The following RICTOR variants were observed in gnomAD, a reference collection of about 807,000 sequenced individuals.
RICTOR encodes rapamycin-insensitive companion of mTOR.
Under a neutral mutation model 214.9 loss-of-function variants are expected in RICTOR, and 49 were observed. The ratio of observed to expected loss-of-function variants is 0.23; its 90% CI spans 0.18 to 0.29. The LOEUF is 0.29. RICTOR is among the 10% of genes least tolerant of loss of function. The probability of loss-of-function intolerance (pLI) is 1.00; values close to 1 mark genes in which losing one functional copy is unlikely to be tolerated. For synonymous variants in RICTOR, 717 were observed against 711.3 expected, an observed-to-expected ratio of 1.01 and a Z score of -0.13; for missense variants, 1,625 against 2,047.0, an observed-to-expected ratio of 0.79 and a Z score of 3.98.
chr5:38,966,721 C>A lies in RICTOR; in HGVS notation c.1219G>T (p.Gly407Cys). ...CTGTTTGTTATCACTTCAACTAGAC[C>A]CTTTGAAAATAAAAAGATAACACCA... ...SAFIRNGLLEGLVEVITNSDD... is the reference protein window; with the variant it reads ...SAFIRNGLLECLVEVITNSDD... The change falls in exon 15 of 38, where the codon GGT (glycine) becomes TGT (cysteine). Residue 407 changes from glycine (G) to cysteine (C), a missense_variant and splice_region_variant. Coordinates refer to ENST00000357387, the MANE Select transcript of RICTOR (RefSeq NM_152756.5). 1 of 1,516,680 alleles carries A rather than the reference C, an allele frequency of 6.6e-7. No individual in the cohort carries two copies. The highest frequency in any genetic ancestry group is 9.1e-7 in the Non-Finnish European group (1 of 1,103,496). 94.0% of individuals were successfully genotyped at this position (1,516,680 alleles called of 1,614,324 possible).
chr5:39,003,599 A>G lies in RICTOR; in HGVS notation c.219T>C (p.Ser73=), dbSNP rs1561520643. The G allele has an allele frequency of 1.2e-6, 2 of 1,609,436 alleles. No homozygotes were observed. Among genetic ancestry groups the G allele is most frequent in the African/African-American group, 2.7e-5 (2 of 74,882 alleles). ...CATAGTGAAAGCCCAGTTTTTCTTC[A>G]CTGTGGCCAATATCACAAAGAAGCT... ...FTKLLCDIGH[S]EEKLGFHYED... The change falls in exon 4 of 38, where the codon AGT becomes AGC. Residue 73 remains serine, a synonymous_variant. Coordinates refer to ENST00000357387, the MANE Select transcript of RICTOR (RefSeq NM_152756.5).
chr5:39,046,390 A>G (rs1757502977), intron 2 of RICTOR, among the ~76,000 whole-genome samples: 1 of 150,230 alleles, frequency 6.7e-6, no homozygotes, highest in Non-Finnish European at 1.5e-5. Flanking sequence ...AAAAAAAAAA[A>G]GAAGAAGAAT....
intron 2 of RICTOR, among the ~76,000 whole-genome samples, chr5:39,028,274 A>T (rs913864656): frequency 1.5e-5 from 2 of 135,960 alleles, no homozygotes; most frequent in Admixed American, 1.8e-4. Flanking sequence ...GCTCCGCCTC[A>T]CGGGTTCACG....
At chr5:39,001,246 C>G (rs1158167184) in intron 5 of RICTOR, among the ~76,000 whole-genome samples, 1 of 151,976 alleles carries the variant, frequency 6.6e-6, no homozygotes, top group Non-Finnish European at 1.5e-5. Context: ...GACAAATATA[C>G]CAACTAAAGA....
chr5:39,070,548 C>T (rs1438886068), intron 2 of RICTOR, among the ~76,000 whole-genome samples: 2 of 151,774 alleles, frequency 1.3e-5, no homozygotes, highest in Admixed American at 6.6e-5. Flanking sequence ...AGGTATTAGA[C>T]AGCAACCAAG....
At chr5:38,998,938 C>T (rs1246601013) in intron 5 of RICTOR, among the ~76,000 whole-genome samples, 1 of 150,154 alleles carries the variant, frequency 6.7e-6, no homozygotes, top group Admixed American at 6.6e-5. Flanking sequence ...ATCACTTGAA[C>T]CCAGAAGAGG....
rs940941760 is a variant in RICTOR, at chr5:38,989,505, G to T, written c.583+1444C>A. On this transcript the variant is annotated intron_variant, in intron 7 of 37. Coordinates refer to ENST00000357387, the MANE Select transcript of RICTOR (RefSeq NM_152756.5). ...AACAAAAGCCAAAATTGACAAATGG[G>T]ATCTAATTAAACTAAAGGGCTTCTG... Among the ~76,000 whole-genome samples the T allele has an allele frequency of 7.8e-4, 118 of 152,092 alleles. 11 individuals carry two copies. The highest frequency in any genetic ancestry group is 1.5e-5 in the Non-Finnish European group (1 of 68,028).
At chr5:38,994,299 C>T (rs1753002025) in intron 6 of RICTOR, among the ~76,000 whole-genome samples, 2 of 151,188 alleles carry the variant, frequency 1.3e-5, no homozygotes, top group African/African-American at 4.9e-5. Context: ...CACAAGATAA[C>T]TTACTGTGTA....
chr5:38,990,638 A>ATATATGATATATAT (rs1221163724), intron 7 of RICTOR, among the ~76,000 whole-genome samples: 1 of 137,566 alleles, frequency 7.3e-6, no homozygotes, highest in Admixed American at 7.4e-5. Flanking sequence ...TATATATCTG[A>ATATATGATATATAT]CATATATCAG....
intron 3 of RICTOR, among the ~76,000 whole-genome samples, chr5:39,014,146 A>C (rs2150125679): frequency 6.6e-6 from 1 of 152,276 alleles, no homozygotes; most frequent in South Asian, 2.1e-4. Flanking sequence ...GGATTGTGTA[A>C]GTACACTCTA....
chr5:39,006,294 G>A (rs1469032213), intron 3 of RICTOR, among the ~76,000 whole-genome samples: 1 of 152,090 alleles, frequency 6.6e-6, no homozygotes, highest in Non-Finnish European at 1.5e-5. Flanking sequence ...TGAGAGCGGT[G>A]GTCTAATACT....
chr5:38,965,132 T>C (rs559430630), intron 15 of RICTOR, among the ~76,000 whole-genome samples: 2 of 152,100 alleles, frequency 1.3e-5, no homozygotes, highest in Admixed American at 6.5e-5. Context: ...GTTTCATAGA[T>C]TCTTTATTAT....
rs766600776 is a variant in RICTOR, at chr5:38,952,208, A to T, written c.3115T>A (p.Ser1039Thr). The T allele has an allele frequency of 8.1e-6, 13 of 1,598,742 alleles. No individual in the cohort carries two copies. In the East Asian group the frequency reaches 2.7e-4, roughly 33 times the overall value. ...TCAGGATACTCACTCGATGGCACAG[A>T]TTCACTTTCACTATTATGTCTAGAG... ...TSSRHNSESE[S>T]VPSSMFILED... Residue 1039 changes from serine (S) to threonine (T), a missense_variant, in exon 30 of 38, where the codon TCT becomes ACT. Ser to Thr is a moderately conservative substitution (Grantham distance 58, BLOSUM62 1). Coordinates refer to ENST00000357387, the MANE Select transcript of RICTOR (RefSeq NM_152756.5).
intron 2 of RICTOR, among the ~76,000 whole-genome samples, chr5:39,026,185 AAG>A (rs889396725): frequency 1.3e-5 from 2 of 152,160 alleles, no homozygotes; most frequent in Non-Finnish European, 2.9e-5. Context: ...TGAGAGAAAA[AAG>A]GAAAAAATAA....
At position 38,953,573 on chromosome 5, in the gene RICTOR, T is replaced by C. The variant is rs771460637; in HGVS notation, c.2698-20A>G. ...AATATTCTGGAGAAAGAAAAAAAAA[T>C]ACCATGAGTAATAATATATTTATGT... On this transcript the variant is annotated intron_variant, in intron 27 of 37. Coordinates refer to ENST00000357387, the MANE Select transcript of RICTOR (RefSeq NM_152756.5). 1.9e-6 allele frequency: 1 copy of C among 521,102 alleles called. No homozygotes were observed. Among genetic ancestry groups the C allele is most frequent in the Non-Finnish European group, 3.2e-6 (1 of 308,652 alleles). 32.3% of individuals were successfully genotyped at this position (521,102 alleles called of 1,614,324 possible).
At chr5:38,979,867 T>G (rs1347857435) in intron 8 of RICTOR, among the ~76,000 whole-genome samples, 1 of 152,254 alleles carries the variant, frequency 6.6e-6, no homozygotes, top group African/African-American at 2.4e-5. Flanking sequence ...CTGCCAATTT[T>G]TTCTCTCCAA....
chr5:38,949,601 A>G (rs1748529062), intron 31 of RICTOR, 111 bp downstream of exon 31: 7 of 1,089,974 alleles, frequency 6.4e-6, no homozygotes, highest in African/African-American at 1.6e-5. Flanking sequence ...GTAAACAATT[A>G]TAATAGGTCA....
At chr5:38,956,184 C>G (rs1323711058) in intron 25 of RICTOR, among the ~76,000 whole-genome samples, 1 of 152,056 alleles carries the variant, frequency 6.6e-6, no homozygotes, top group Non-Finnish European at 1.5e-5. Flanking sequence ...CAGTGAAGTT[C>G]AGGCACTCAT....
chr5:39,004,553 G>T (rs552244447), intron 3 of RICTOR, among the ~76,000 whole-genome samples: 6 of 150,634 alleles, frequency 4.0e-5, no homozygotes, highest in Non-Finnish European at 8.9e-5. Context: ...TCTGCCTCCC[G>T]GGTTCAAGTG....
Sources: allele counts gnomAD v4.1 joint callset (sites outside exome capture counted in the v4.1 genomes callset), GRCh38; gene constraint gnomAD v4.1.1; transcripts MANE v1.5; gene names NCBI Gene and HGNC (gene_info 2026-07-23, HGNC 2026-07-21).